The following STAT3 variants were observed in gnomAD, a reference collection of about 807,000 sequenced individuals.
The protein encoded by STAT3 is signal transducer and activator of transcription 3.
In STAT3, 7 loss-of-function variants were observed where a neutral mutation model predicts 114.3. That is an observed-to-expected ratio of 0.06 (90% CI 0.03 to 0.11). The LOEUF (loss-of-function observed/expected upper bound fraction) is 0.11, where lower values mean the gene tolerates loss of function less well. Ranked by LOEUF, STAT3 falls within the 10% of genes least tolerant of loss-of-function variation. The pLI is 1.00. For missense variants in STAT3, 364 were observed against 960.9 expected, an observed-to-expected ratio of 0.38 and a Z score of 8.21; for synonymous variants, 331 against 354.5, an observed-to-expected ratio of 0.93 and a Z score of 0.74.
At chr17:42,332,838 C>CA (rs927814098) in intron 10 of STAT3, among the ~76,000 whole-genome samples, 617 of 139,380 alleles carry the variant, frequency 4.4e-3, no homozygotes, top group African/African-American at 7.7e-3. Flanking sequence ...GACTCTGTCT[C>CA]AAAAAAAAAA....
intron 1 of STAT3, among the ~76,000 whole-genome samples, chr17:42,373,061 TAA>T (rs1192565161): frequency 6.6e-6 from 1 of 152,094 alleles, no homozygotes; most frequent in African/African-American, 2.4e-5. Flanking sequence ...CTTTAAAAAA[TAA>T]AGTCTAGACT....
chr17:42,366,468 T>A (rs555569359), intron 1 of STAT3, among the ~76,000 whole-genome samples: 2 of 152,000 alleles, frequency 1.3e-5, no homozygotes, highest in South Asian at 2.1e-4. Context: ...CTCAGGAGTT[T>A]GAGACCAGCC....
intron 1 of STAT3, among the ~76,000 whole-genome samples, chr17:42,366,790 T>C (rs1197807933): frequency 6.6e-6 from 1 of 151,936 alleles, no homozygotes; most frequent in African/African-American, 2.4e-5. Flanking sequence ...CTAACTGGCC[T>C]GGATGCTTTC....
chr17:42,340,684 C>T (rs563820220), intron 4 of STAT3, among the ~76,000 whole-genome samples: 35 of 152,220 alleles, frequency 2.3e-4, no homozygotes, highest in African/African-American at 7.7e-4. Flanking sequence ...TCCAAGCCCA[C>T]AGAATACAAA....
At chr17:42,344,670 G>C (rs1211664002) in intron 4 of STAT3, among the ~76,000 whole-genome samples, 1 of 150,490 alleles carries the variant, frequency 6.6e-6, no homozygotes, top group Non-Finnish European at 1.5e-5. Context: ...AGTGAGCTAA[G>C]ATGGCACCAC....
At chr17:42,383,206 G>A (rs960063008) in intron 1 of STAT3, among the ~76,000 whole-genome samples, 3 of 151,966 alleles carry the variant, frequency 2.0e-5, no homozygotes, top group African/African-American at 7.3e-5. Context: ...ACAGGCGTGT[G>A]CCACCACACC....
chr17:42,334,753 A>C (rs2082163652), intron 8 of STAT3, among the ~76,000 whole-genome samples: 1 of 151,750 alleles, frequency 6.6e-6, no homozygotes, highest in Non-Finnish European at 1.5e-5. Flanking sequence ...CCAGAAAATA[A>C]TTTATTTTAC....
At chr17:42,316,646 T>C in intron 23 of STAT3, 143 bp downstream of exon 23, 1 of 1,539,586 alleles carries the variant, frequency 6.5e-7, no homozygotes, top group Non-Finnish European at 8.7e-7. Flanking sequence ...ACATGTGGCA[T>C]TCATACCATC....
At chr17:42,338,963 C>T (rs2082329429) in intron 5 of STAT3, 151 bp from the exon 6 acceptor site, 3 of 726,618 alleles carry the variant, frequency 4.1e-6, no homozygotes, top group Admixed American at 5.0e-5. Context: ...AGAGAAGGCT[C>T]CCTGTTGGCC....
intron 1 of STAT3, among the ~76,000 whole-genome samples, chr17:42,352,402 G>A (rs751711574): frequency 4.6e-5 from 7 of 152,102 alleles, no homozygotes; most frequent in African/African-American, 1.7e-4. Flanking sequence ...GACAAATGCT[G>A]CCTGGGCAGT....
intron 1 of STAT3, chr17:42,387,986 T>C (rs1277033964): frequency 1.2e-5 from 4 of 328,852 alleles, no homozygotes; most frequent in African/African-American, 2.1e-5. Context: ...CGGGGGACTG[T>C]CCCTCACTCC....
chr17:42,320,582 C>A (rs2081429453), intron 21 of STAT3, among the ~76,000 whole-genome samples: 1 of 151,870 alleles, frequency 6.6e-6, no homozygotes, highest in Non-Finnish European at 1.5e-5. Flanking sequence ...ATACAAAAAT[C>A]AGCTGGGCAT....
At chr17:42,334,420 G>GT (rs1346820895) in intron 8 of STAT3, among the ~76,000 whole-genome samples, 1 of 146,108 alleles carries the variant, frequency 6.8e-6, no homozygotes, top group Non-Finnish European at 1.5e-5. Flanking sequence ...GATTACAGGT[G>GT]TAAGCCACTG....
At position 42,345,585 on chromosome 17, in the gene STAT3, G is replaced by T; in HGVS notation, c.346C>A (p.Leu116Ile). 1 of 1,607,480 alleles carries T rather than the reference G, an allele frequency of 6.2e-7. No homozygotes were observed. Among genetic ancestry groups the T allele is most frequent in the Non-Finnish European group, 8.5e-7 (1 of 1,176,380 alleles). Reference protein sequence around the residue: ...ARCLWEESRLLQTAATAAQQG... With the variant: ...ARCLWEESRLIQTAATAAQQG... ...TGGGCCGCAGTGGCTGCAGTCTGTA[G>T]AAGGCGTGATTCTTCCCACAGGCAC... Residue 116 changes from leucine (L) to isoleucine (I), a missense_variant, in exon 4 of 24, where the codon CTA (leucine) becomes ATA (isoleucine). By Grantham distance (5) the Leu-to-Ile change is conservative. This residue lies in a region of STAT3 where 294 missense variants were observed against 745.1 expected (regional missense o/e 0.39). Transcript: ENST00000264657.
intron 1 of STAT3, among the ~76,000 whole-genome samples, chr17:42,361,908 T>A (rs1261518489): frequency 1.3e-5 from 2 of 152,200 alleles, no homozygotes; most frequent in Admixed American, 1.3e-4. Flanking sequence ...GGCTGCCCAA[T>A]TTAGGTAGCA....
chr17:42,346,846 T>A, intron 2 of STAT3, 133 bp from the exon 3 acceptor site: 1 of 1,225,580 alleles, frequency 8.2e-7, no homozygotes, highest in Non-Finnish European at 1.2e-6. Flanking sequence ...TTCATCATGT[T>A]AGATTCTTCT....
In STAT3 at chr17:42,349,904, A is replaced by G. The variant is rs1035016774; in HGVS notation, c.-23-1365T>C. ...AAACCCTGTCTCTACTAAAAACACA[A>G]AATTAGCCAGGCGTGGTGGCACATG... On this transcript the variant is annotated intron_variant, in intron 1 of 23. Coordinates refer to ENST00000264657, the MANE Select transcript of STAT3 (RefSeq NM_139276.3). 2.0e-5 allele frequency among the ~76,000 whole-genome samples: 3 copies of G among 152,176 alleles called. No homozygotes were observed. In the South Asian group the frequency reaches 6.2e-4, roughly 31 times the overall value.
chr17:42,355,367 T>C (rs1180685380), intron 1 of STAT3, among the ~76,000 whole-genome samples: 1 of 152,182 alleles, frequency 6.6e-6, no homozygotes, highest in Non-Finnish European at 1.5e-5. Context: ...CACAAAGTTA[T>C]CTGAGGAACA....
chr17:42,358,844 C>G (rs1354626570), intron 1 of STAT3, among the ~76,000 whole-genome samples: 4 of 151,982 alleles, frequency 2.6e-5, no homozygotes, highest in Non-Finnish European at 5.9e-5. Context: ...GTACAGCATC[C>G]CTCTGTGCTG....
Sources: allele counts gnomAD v4.1 joint callset (sites outside exome capture counted in the v4.1 genomes callset), GRCh38; gene constraint gnomAD v4.1.1; regional missense constraint gnomAD v4.1.1; transcripts MANE v1.5; gene names NCBI Gene and HGNC (gene_info 2026-07-23, HGNC 2026-07-21).